The following ZC3H12D variants were observed in gnomAD, a reference collection of about 807,000 sequenced individuals.
ZC3H12D encodes the protein probable ribonuclease ZC3H12D.
A neutral mutation model predicts 24.2 loss-of-function variants in ZC3H12D; 11 were observed. That is an observed-to-expected ratio of 0.46 (90% CI 0.29 to 0.75). The LOEUF is 0.75. Ranked by LOEUF, ZC3H12D falls within the 30% of genes least tolerant of loss-of-function variation. The probability of loss-of-function intolerance (pLI) is 0.11; values close to 1 mark genes in which losing one functional copy is unlikely to be tolerated. For missense variants in ZC3H12D, 740 were observed against 767.7 expected (o/e 0.96, Z 0.43); for synonymous variants, 333 against 341.8 (o/e 0.97, Z 0.28).
intron 3 of ZC3H12D, among the ~76,000 whole-genome samples, chr6:149,457,970 C>T (rs79602186): frequency 0.02 from 3,042 of 152,190 alleles, 112 homozygotes; most frequent in African/African-American, 0.07. Context: ...TGGAAGTCCC[C>T]TCTGCCCCCT....
intron 3 of ZC3H12D, 104 bp downstream of exon 3, chr6:149,461,727 A>G: frequency 7.7e-7 from 1 of 1,298,122 alleles, no homozygotes. Context: ...AGGAAGACAA[A>G]TATCATTAAA....
intron 2 of ZC3H12D, among the ~76,000 whole-genome samples, chr6:149,470,157 A>G (rs1776222490): frequency 2.6e-5 from 4 of 152,062 alleles, no homozygotes; most frequent in South Asian, 2.1e-4. Context: ...TCAGGAGTTC[A>G]AGACCAGCCT....
At chr6:149,468,009 T>G (rs1776187892) in intron 2 of ZC3H12D, among the ~76,000 whole-genome samples, 1 of 152,070 alleles carries the variant, frequency 6.6e-6, no homozygotes, top group Non-Finnish European at 1.5e-5. Flanking sequence ...GAGACGGAGT[T>G]TTGTTCTTGT....
intron 1 of ZC3H12D, 28 bp from the exon 2 acceptor site, chr6:149,474,641 G>T (rs1206479830): frequency 2.4e-5 from 29 of 1,195,302 alleles, no homozygotes; most frequent in Non-Finnish European, 3.2e-5. Flanking sequence ...GCATCCATCA[G>T]GTGTTTCCTG....
Position 149,461,352 on chromosome 6 carries a change from A to AAG in ZC3H12D, c.445+478_445+479insCT, listed in dbSNP as rs1554269303. On this transcript the variant is annotated intron_variant, in intron 3 of 5. Coordinates refer to ENST00000409806, the MANE Select transcript of ZC3H12D (RefSeq NM_207360.3). Reference sequence around the variant, plus strand: ...AAGATTTGGTCTCAAAAAAAAAAAAAAAGAAGAAGAAGAATTCCCTGGGTC... The same window carrying AAG: ...AAGATTTGGTCTCAAAAAAAAAAAAAAGAAGAAGAAGAAGAATTCCCTGGGTC... Among the ~76,000 whole-genome samples, 400 of 147,386 alleles carry AAG rather than the reference A, an allele frequency of 2.7e-3. 1 individual carries two copies. Among genetic ancestry groups the AAG allele is most frequent in the African/African-American group, 7.5e-3 (293 of 39,036 alleles).
chr6:149,465,180 C>T (rs779827596), intron 2 of ZC3H12D, among the ~76,000 whole-genome samples: 6 of 151,866 alleles, frequency 4.0e-5, no homozygotes, highest in Admixed American at 6.6e-5. Context: ...ATGGTGAAAC[C>T]GCATCTTTAC....
At chr6:149,471,264 A>G (rs922702306) in intron 2 of ZC3H12D, among the ~76,000 whole-genome samples, 4 of 152,252 alleles carry the variant, frequency 2.6e-5, no homozygotes, top group African/African-American at 9.6e-5. Flanking sequence ...TGGGGAAAGA[A>G]GCCCACAGAA....
Position 149,474,570 on chromosome 6 carries a change from G to T in ZC3H12D, c.-27C>A, listed in dbSNP as rs7773171. ...CTGTGCCCAGCGGCCACTGGCGCAGGTCCTGCCCCAGGCTTCCTCCTCTCA... is the reference window on the plus strand; with the variant it reads ...CTGTGCCCAGCGGCCACTGGCGCAGTTCCTGCCCCAGGCTTCCTCCTCTCA... On this transcript the variant is annotated 5_prime_UTR_variant, in exon 2 of 6. Coordinates refer to ENST00000409806, the MANE Select transcript of ZC3H12D (RefSeq NM_207360.3). The T allele has an allele frequency of 5.3e-3, 7,721 of 1,449,738 alleles. 311 individuals carry two copies. The African/African-American group carries it at 0.095, about 18-fold the overall frequency. 89.8% of individuals were successfully genotyped at this position (1,449,738 alleles called of 1,614,324 possible). A position where few individuals can be genotyped will look rare whatever the true frequency, so the allele number is the denominator to read the frequency against.
intron 1 of ZC3H12D, among the ~76,000 whole-genome samples, chr6:149,475,533 T>C (rs543384479): frequency 5.6e-4 from 85 of 151,980 alleles, no homozygotes; most frequent in African/African-American, 1.9e-3. Context: ...CTGGCCAACA[T>C]GGTGAAACCC....
chr6:149,450,964 C>T lies in ZC3H12D; in HGVS notation c.1303G>A (p.Asp435Asn), dbSNP rs1386217119. 2.6e-6 allele frequency: 4 copies of T among 1,524,744 alleles called. No homozygotes were observed. The highest frequency in any genetic ancestry group is 2.4e-5 in the South Asian group (2 of 82,476). 94.5% of individuals were successfully genotyped at this position (1,524,744 alleles called of 1,614,324 possible). ...DLLSPRRPPD[D>N]PWARPPRSDR... ...GAGCGGGGTGGACGGGCCCACGGGTCGTCGGGTGGCCTGCGCGGGGAAAGC... is the reference window on the plus strand; with the variant it reads ...GAGCGGGGTGGACGGGCCCACGGGTTGTCGGGTGGCCTGCGCGGGGAAAGC... Residue 435 changes from aspartate to asparagine, a missense_variant, in exon 6 of 6, where the codon GAC becomes AAC. By Grantham distance (23) the Asp-to-Asn change is conservative. Transcript: ENST00000409806.
At chr6:149,477,335 C>G (rs1021767341) in intron 1 of ZC3H12D, among the ~76,000 whole-genome samples, 1 of 152,194 alleles carries the variant, frequency 6.6e-6, no homozygotes, top group African/African-American at 2.4e-5. Flanking sequence ...ACCTCCCACT[C>G]CACCTCAGCC....
At chr6:149,476,227 C>T (rs1776337151) in intron 1 of ZC3H12D, among the ~76,000 whole-genome samples, 1 of 152,266 alleles carries the variant, frequency 6.6e-6, no homozygotes, top group South Asian at 2.1e-4. Flanking sequence ...ATTTTGGGGG[C>T]CGGGCGCAGT....
intron 3 of ZC3H12D, among the ~76,000 whole-genome samples, chr6:149,460,963 C>A (rs1479618103): frequency 2.0e-5 from 3 of 152,136 alleles, no homozygotes; most frequent in African/African-American, 7.2e-5. Flanking sequence ...CATAGTGAGA[C>A]TCCATCTCAA....
rs1242646085 is a variant in ZC3H12D at position 149,447,500 on chromosome 6, A to G, written c.*3183T>C. ...AACTCCTGAACTCATGAAGCCCACC[A>G]AAGTGCTGGGATTACAGACATGAGC... is the stretch of plus-strand genomic sequence containing the variant. On this transcript the variant is annotated 3_prime_UTR_variant, in exon 6 of 6. Transcript: ENST00000409806. The G allele has an allele frequency of 2.0e-5, 3 of 152,150 alleles. No homozygotes were observed. The highest frequency in any genetic ancestry group is 6.6e-5 in the Admixed American group (1 of 15,262). 9.4% of individuals were successfully genotyped at this position (152,150 alleles called of 1,614,324 possible). A position where few individuals can be genotyped will look rare whatever the true frequency, so the allele number is the denominator to read the frequency against.
chr6:149,472,075 G>A (rs1352807214), intron 2 of ZC3H12D, among the ~76,000 whole-genome samples: 1 of 152,156 alleles, frequency 6.6e-6, no homozygotes, highest in Non-Finnish European at 1.5e-5. Flanking sequence ...GCCTGTGAAG[G>A]GTCAGCACCC....
chr6:149,466,825 G>T (rs939784269), intron 2 of ZC3H12D, among the ~76,000 whole-genome samples: 3 of 151,852 alleles, frequency 2.0e-5, no homozygotes, highest in Admixed American at 6.6e-5. Flanking sequence ...TCAGTGAGCC[G>T]AGATCAAGCC....
In ZC3H12D at chr6:149,450,599, CA is replaced by C. The variant is rs1465364966; in HGVS notation, c.*83del. ...AAGGGGGCACCATGATGGGCCCACT[CA>C]GGTCCAGGCTGGCAACCACAGGTCC... On this transcript the variant is annotated 3_prime_UTR_variant, in exon 6 of 6. Coordinates refer to ENST00000409806, the MANE Select transcript of ZC3H12D (RefSeq NM_207360.3). 3 of 1,332,562 alleles carry C rather than the reference CA, an allele frequency of 2.3e-6. No individual in the cohort carries two copies. Among genetic ancestry groups the C allele is most frequent in the African/African-American group, 3.0e-5 (2 of 66,846 alleles). 82.5% of individuals were successfully genotyped at this position (1,332,562 alleles called of 1,614,324 possible). A position where few individuals can be genotyped will look rare whatever the true frequency, so the allele number is the denominator to read the frequency against.
chr6:149,456,637 C>CCCGGG lies in ZC3H12D; in HGVS notation c.680+28_680+29insCCCGG. On this transcript the variant is annotated intron_variant, in intron 4 of 5. Transcript: ENST00000409806. The surrounding 1 kb of genome is among the most constrained non-coding windows in gnomAD (Gnocchi z 4.3). Reference sequence around the variant, plus strand: ...CCCGGCCCCCCGCCCCGCCGCCCCCCAGGGTGTCAGGACCCCAGCCGGACC... The same window carrying CCCGGG: ...CCCGGCCCCCCGCCCCGCCGCCCCCCCCGGGAGGGTGTCAGGACCCCAGCCGGACC... The CCCGGG allele has an allele frequency of 1.1e-5, 17 of 1,554,830 alleles. No homozygotes were observed. Among genetic ancestry groups the CCCGGG allele is most frequent in the South Asian group, 2.2e-5 (2 of 89,992 alleles).
chr6:149,484,099 G>A (rs994920614), intron 1 of ZC3H12D, among the ~76,000 whole-genome samples: 5 of 152,162 alleles, frequency 3.3e-5, no homozygotes, highest in African/African-American at 1.2e-4. Context: ...ACATCCCGGA[G>A]CAACTCTACT....
Sources: gnomAD v4.1 joint callset for allele counts (sites outside exome capture counted in the v4.1 genomes callset) on GRCh38, gnomAD v4.1.1 for gene constraint, Gnocchi (gnomAD v3.1) non-coding constraint, MANE v1.5 for transcripts, NCBI Gene and HGNC (gene_info 2026-07-23, HGNC 2026-07-21) for gene names.